The following UHRF1 variants were observed in gnomAD, a reference collection of about 807,000 sequenced individuals.
UHRF1 encodes the protein ubiquitin like with PHD and ring finger domains 1.
In UHRF1, 9 loss-of-function variants were observed where a neutral mutation model predicts 96.5. The ratio of observed to expected loss-of-function variants is 0.09; its 90% confidence interval spans 0.06 to 0.16. UHRF1 has a LOEUF of 0.16. UHRF1 is among the 10% of genes least tolerant of loss of function. The probability of loss-of-function intolerance (pLI) is 1.00; values close to 1 mark genes in which losing one functional copy is unlikely to be tolerated. For synonymous variants in UHRF1, 455 were observed against 469.9 expected (o/e 0.97, Z 0.41); for missense variants, 626 against 1,131.1 (o/e 0.55, Z 6.40).
At chr19:4,941,085 G>T (rs12608945) in intron 5 of UHRF1, among the ~76,000 whole-genome samples, 2,329 of 50,334 alleles carry the variant, frequency 0.046, 188 homozygotes, top group African/African-American at 0.11. Context: ...TCTGTGTTTT[G>T]TTTTTTTTTT....
chr19:4,941,553 A>G lies in UHRF1; in HGVS notation c.811A>G (p.Ile271Val). The G allele has an allele frequency of 6.2e-7, 1 of 1,613,660 alleles. No homozygotes were observed. The highest frequency in any genetic ancestry group is 2.2e-5 in the East Asian group (1 of 44,864). Residue 271 changes from isoleucine (I) to valine (V), a missense_variant, in exon 6 of 17, where the codon ATC (isoleucine) becomes GTC (valine). Ile to Val is a conservative substitution (Grantham distance 29, BLOSUM62 3). Transcript: ENST00000650932. ...GGATGATTCTCTGAACGACTGTCGG[A>G]TCATCTTCGTGGACGAAGTCTTCAA... is the stretch of plus-strand genomic sequence containing the variant. ...LGDDSLNDCRIIFVDEVFKIE... is the reference protein window; with the variant it reads ...LGDDSLNDCRVIFVDEVFKIE...
At chr19:4,917,074 G>GGGA (rs1555745214) in intron 2 of UHRF1, among the ~76,000 whole-genome samples, 51 of 151,688 alleles carry the variant, frequency 3.4e-4, no homozygotes, top group African/African-American at 1.2e-3. Context: ...GCTCGGTGGG[G>GGGA]GGGGGGGGTG....
intron 15 of UHRF1, among the ~76,000 whole-genome samples, chr19:4,955,035 C>G (rs899646506): frequency 2.0e-5 from 3 of 152,110 alleles, no homozygotes; most frequent in African/African-American, 7.2e-5. Context: ...ACTCCCACCC[C>G]CTCCCAAGCC....
At chr19:4,924,184 C>G (rs2032793127) in intron 2 of UHRF1, among the ~76,000 whole-genome samples, 1 of 152,078 alleles carries the variant, frequency 6.6e-6, no homozygotes. Context: ...GAGTCTCGCT[C>G]TGTCGCCCAG....
chr19:4,954,738 C>T lies in UHRF1; in HGVS notation c.2046C>T (p.Ser682=), dbSNP rs1247750451. 2.5e-6 allele frequency: 4 copies of T among 1,613,696 alleles called. No individual in the cohort carries two copies. Among genetic ancestry groups the T allele is most frequent in the Middle Eastern group, 1.6e-4 (1 of 6,084 alleles). Residue 682 remains serine (S), a synonymous_variant, in exon 15 of 17, where the codon AGC becomes AGT. Coordinates refer to ENST00000650932, the MANE Select transcript of UHRF1 (RefSeq NM_001048201.3). This position sits in a 1 kb window ranked among gnomAD's most constrained non-coding sequence, Gnocchi z 5.9. ...EPYSLTAQQS[S]LIREDKSNAK... Reference sequence around the variant, plus strand: ...ACAGTCTCACGGCCCAGCAGAGCAGCCTCATCAGAGAGGACAAGAGCAACG... The same window carrying T: ...ACAGTCTCACGGCCCAGCAGAGCAGTCTCATCAGAGAGGACAAGAGCAACG...
At chr19:4,945,070 G>A (rs1351441327) in intron 9 of UHRF1, among the ~76,000 whole-genome samples, 1 of 152,176 alleles carries the variant, frequency 6.6e-6, no homozygotes. Flanking sequence ...TGGAGTTCAT[G>A]GGGCCAGGCG....
chr19:4,946,963 C>T, intron 10 of UHRF1, 142 bp from the exon 11 acceptor site: 1 of 651,878 alleles, frequency 1.5e-6, no homozygotes, highest in Non-Finnish European at 2.6e-6. Context: ...ACAAAGGGCT[C>T]CAATTTCCCC....
At chr19:4,945,518 G>A (rs757801664) in intron 9 of UHRF1, among the ~76,000 whole-genome samples, 3 of 151,946 alleles carry the variant, frequency 2.0e-5, no homozygotes, top group Non-Finnish European at 4.4e-5. Flanking sequence ...CTCGGCCCCC[G>A]AAAGTGCTGG....
At chr19:4,945,116 C>T (rs1169110283) in intron 9 of UHRF1, among the ~76,000 whole-genome samples, 1 of 152,182 alleles carries the variant, frequency 6.6e-6, no homozygotes, top group African/African-American at 2.4e-5. Flanking sequence ...GCGCTGTATC[C>T]CTAGTGCTCA....
At chr19:4,943,893 T>C (rs1177076620) in intron 7 of UHRF1, among the ~76,000 whole-genome samples, 2 of 152,268 alleles carry the variant, frequency 1.3e-5, no homozygotes, top group African/African-American at 4.8e-5. Context: ...TCAGGTGATC[T>C]GCCCGCCTCG....
At chr19:4,909,382 C>T, upstream of UHRF1, 2 of 628,002 alleles carry the variant, frequency 3.2e-6, no homozygotes, top group Non-Finnish European at 5.7e-6. Flanking sequence ...GGGCGCCCCC[C>T]ACCCTCTTTC....
intron 5 of UHRF1, among the ~76,000 whole-genome samples, chr19:4,941,085 GTTT>G (rs869250736): frequency 6.0e-5 from 3 of 50,078 alleles, no homozygotes; most frequent in Admixed American, 5.8e-4. Flanking sequence ...TCTGTGTTTT[GTTT>G]TTTTTTTTTT....
intron 2 of UHRF1, among the ~76,000 whole-genome samples, chr19:4,927,615 C>G (rs1375026442): frequency 6.6e-6 from 1 of 152,184 alleles, no homozygotes; most frequent in Non-Finnish European, 1.5e-5. Context: ...CCTAAGGTCT[C>G]TCTCCTCCCT....
intron 13 of UHRF1, among the ~76,000 whole-genome samples, chr19:4,952,470 T>G (rs966748667): frequency 6.8e-6 from 1 of 147,506 alleles, no homozygotes; most frequent in Non-Finnish European, 1.5e-5. Context: ...CTCGGCTCAT[T>G]GCAACCTCCA....
chr19:4,956,622 C>A, intron 15 of UHRF1, 87 bp from the exon 16 acceptor site: 2 of 815,586 alleles, frequency 2.5e-6, no homozygotes, highest in Non-Finnish European at 4.2e-6. Context: ...AATTAGAGGA[C>A]CCAGGTACAT....
chr19:4,945,094 GCT>G (rs1441290948), intron 9 of UHRF1, among the ~76,000 whole-genome samples: 1 of 152,192 alleles, frequency 6.6e-6, no homozygotes, highest in Admixed American at 6.5e-5. Flanking sequence ...AGGGCTAGGA[GCT>G]CCTGGGGCAG....
intron 2 of UHRF1, among the ~76,000 whole-genome samples, chr19:4,912,288 A>G (rs1400803559): frequency 6.6e-6 from 1 of 152,112 alleles, no homozygotes; most frequent in Non-Finnish European, 1.5e-5. Context: ...TCCTCCTATG[A>G]TGCGTGCTCC....
chr19:4,904,430 T>C (rs993413312), intron 1 of UHRF1, among the ~76,000 whole-genome samples: 13 of 152,072 alleles, frequency 8.5e-5, no homozygotes, highest in Non-Finnish European at 1.6e-4. Context: ...CCGCCCACCT[T>C]GGCCTCCCAA....
chr19:4,923,080 C>G (rs888932429), intron 2 of UHRF1, among the ~76,000 whole-genome samples: 20 of 152,236 alleles, frequency 1.3e-4, no homozygotes, highest in African/African-American at 3.4e-4. Flanking sequence ...GGCCAGGGCC[C>G]CTCATTGGAT....
Sources: allele counts gnomAD v4.1 joint callset (sites outside exome capture counted in the v4.1 genomes callset), GRCh38; gene constraint gnomAD v4.1.1; non-coding constraint Gnocchi (gnomAD v3.1); transcripts MANE v1.5; gene names NCBI Gene and HGNC (gene_info 2026-07-23, HGNC 2026-07-21).